Variants in NXPH1 observed in about 807,000 individuals in gnomAD.
NXPH1 encodes neurexophilin-1.
Under a neutral mutation model 23.7 loss-of-function variants are expected in NXPH1, and 5 were observed. That is an observed-to-expected ratio of 0.21 (90% CI 0.11 to 0.44). The LOEUF is 0.44. Ranked by LOEUF, NXPH1 falls within the 20% of genes least tolerant of loss-of-function variation. NXPH1 has a pLI of 0.99. For missense variants in NXPH1, 324 were observed against 321.6 expected (o/e 1.01, Z -0.06); for synonymous variants, 144 against 122.2 (o/e 1.18, Z -1.18).
At chr7:8,662,647 T>C (rs12702760) in intron 2 of NXPH1, among the ~76,000 whole-genome samples, 96,346 of 151,780 alleles carry the variant, frequency 0.63, 31,484 homozygotes, top group Middle Eastern at 0.76. Context: ...TTATGCAAAT[T>C]AGAAAACTGA....
intron 2 of NXPH1, among the ~76,000 whole-genome samples, chr7:8,543,041 T>C (rs766203845): frequency 5.9e-5 from 9 of 151,618 alleles, no homozygotes; most frequent in Non-Finnish European, 1.3e-4. Flanking sequence ...TTACATGCAT[T>C]TGAGCTATCC....
At chr7:8,634,522 T>A (rs1031695050) in intron 2 of NXPH1, among the ~76,000 whole-genome samples, 12 of 152,192 alleles carry the variant, frequency 7.9e-5, no homozygotes, top group African/African-American at 2.9e-4. Flanking sequence ...AGGTTTGTTT[T>A]GTTTTGCTAT....
intron 2 of NXPH1, among the ~76,000 whole-genome samples, chr7:8,476,664 A>G (rs536762942): frequency 1.3e-5 from 2 of 151,932 alleles, no homozygotes. Flanking sequence ...TTTCTACCTT[A>G]GCTATGAAGT....
chr7:8,514,223 C>A (rs1817655429), intron 2 of NXPH1, among the ~76,000 whole-genome samples: 1 of 152,152 alleles, frequency 6.6e-6, no homozygotes, highest in South Asian at 2.1e-4. Context: ...CCACATCTTG[C>A]CTGCCTTCAA....
At chr7:8,436,695 C>T (rs1194953133) in intron 2 of NXPH1, among the ~76,000 whole-genome samples, 2 of 152,146 alleles carry the variant, frequency 1.3e-5, no homozygotes, top group Admixed American at 6.5e-5. Context: ...GTGTCCCGAC[C>T]CCCATAGCCC....
intron 2 of NXPH1, among the ~76,000 whole-genome samples, chr7:8,446,989 A>G (rs1346645996): frequency 6.6e-6 from 1 of 152,082 alleles, no homozygotes; most frequent in African/African-American, 2.4e-5. Context: ...GCCGTGACTT[A>G]TCAACTGGCT....
At chr7:8,552,801 C>T (rs115485262) in intron 2 of NXPH1, among the ~76,000 whole-genome samples, 224 of 151,616 alleles carry the variant, frequency 1.5e-3, no homozygotes, top group African/African-American at 5.0e-3. Context: ...TTAAAATCTG[C>T]TTGTATTTGC....
At chr7:8,571,728 G>A (rs1203573795) in intron 2 of NXPH1, among the ~76,000 whole-genome samples, 1 of 151,846 alleles carries the variant, frequency 6.6e-6, no homozygotes, top group East Asian at 1.9e-4. Context: ...CCTCTGTCAA[G>A]TATAAATGCA....
At chr7:8,591,011 A>C (rs1006317750) in intron 2 of NXPH1, among the ~76,000 whole-genome samples, 38 of 152,214 alleles carry the variant, frequency 2.5e-4, no homozygotes, top group African/African-American at 8.9e-4. Flanking sequence ...GAAAGTGCTC[A>C]TGCAGTTTCA....
intron 2 of NXPH1, among the ~76,000 whole-genome samples, chr7:8,727,632 A>G (rs974597093): frequency 1.3e-5 from 2 of 152,172 alleles, no homozygotes; most frequent in African/African-American, 4.8e-5. Context: ...AGGTTTGTCA[A>G]AGATCAGATA....
intron 2 of NXPH1, among the ~76,000 whole-genome samples, chr7:8,693,513 A>G (rs1162475752): frequency 6.6e-6 from 1 of 152,210 alleles, no homozygotes; most frequent in Non-Finnish European, 1.5e-5. Flanking sequence ...TGTCTTTGGC[A>G]AAAGACTTAA....
At chr7:8,529,327 G>T (rs576780811) in intron 2 of NXPH1, among the ~76,000 whole-genome samples, 6 of 152,338 alleles carry the variant, frequency 3.9e-5, no homozygotes, top group African/African-American at 1.4e-4. Flanking sequence ...GCACCAGGGG[G>T]CCAAAATTCT....
At chr7:8,713,796 C>G (rs573008641) in intron 2 of NXPH1, among the ~76,000 whole-genome samples, 1 of 152,142 alleles carries the variant, frequency 6.6e-6, no homozygotes, top group Non-Finnish European at 1.5e-5. Context: ...GTTCTCTTCC[C>G]GTAATTTCTC....
At chr7:8,656,041 G>T (rs970525) in intron 2 of NXPH1, among the ~76,000 whole-genome samples, 1 of 152,036 alleles carries the variant, frequency 6.6e-6, no homozygotes, top group East Asian at 1.9e-4. Flanking sequence ...GTGCATAGCA[G>T]TTTGGTGGCA....
chr7:8,437,934 C>CT (rs763738970), intron 2 of NXPH1, among the ~76,000 whole-genome samples: 1 of 152,174 alleles, frequency 6.6e-6, no homozygotes. Flanking sequence ...GAAGTCCGTT[C>CT]TTTTTTCTCC....
chr7:8,481,669 T>G (rs1303761844), intron 2 of NXPH1, among the ~76,000 whole-genome samples: 1 of 152,228 alleles, frequency 6.6e-6, no homozygotes, highest in Non-Finnish European at 1.5e-5. Flanking sequence ...TAATTTCATC[T>G]TATTTTTTCA....
intron 2 of NXPH1, among the ~76,000 whole-genome samples, chr7:8,576,820 C>A (rs111442176): frequency 6.6e-6 from 1 of 152,042 alleles, no homozygotes; most frequent in Non-Finnish European, 1.5e-5. Flanking sequence ...CTCTTGAGTT[C>A]ATTAGATTAT....
chr7:8,685,864 G>A (rs1278778867), intron 2 of NXPH1, among the ~76,000 whole-genome samples: 1 of 151,990 alleles, frequency 6.6e-6, no homozygotes, highest in East Asian at 1.9e-4. Context: ...TTATTGGATA[G>A]CACAACAGGA....
At chr7:8,647,806 A>T in intron 2 of NXPH1, among the ~76,000 whole-genome samples, 1 of 147,470 alleles carries the variant, frequency 6.8e-6, no homozygotes, top group African/African-American at 2.5e-5. Context: ...AAGTTTGGTT[A>T]ATTTTTTCAA....
Sources: allele counts gnomAD v4.1 joint callset (sites outside exome capture counted in the v4.1 genomes callset), GRCh38; gene constraint gnomAD v4.1.1; transcripts MANE v1.5; gene names NCBI Gene and HGNC (gene_info 2026-07-23, HGNC 2026-07-21).